Variants in MYO1D observed in about 807,000 individuals in gnomAD.
MYO1D encodes the protein myosin ID.
Under a neutral mutation model 122.0 loss-of-function variants are expected in MYO1D, and 83 were observed. The observed-to-expected ratio is 0.68, with a 90% CI of 0.57 to 0.82. The LOEUF (loss-of-function observed/expected upper bound fraction) is 0.82, where lower values mean the gene tolerates loss of function less well. Ranked by LOEUF, MYO1D falls within the 40% of genes least tolerant of loss-of-function variation. The pLI, the probability that MYO1D is intolerant of heterozygous loss-of-function variation, is 0.00. For missense variants in MYO1D, 1,157 were observed against 1,269.5 expected (o/e 0.91, Z 1.35); for synonymous variants, 464 against 446.9 (o/e 1.04, Z -0.48).
chr17:32,654,027 A>G, intron 18 of MYO1D, 80 bp from the exon 19 acceptor site: 1 of 1,074,936 alleles, frequency 9.3e-7, no homozygotes, highest in East Asian at 2.5e-5. Flanking sequence ...GTACTGCTTT[A>G]TAACTACACT....
intron 16 of MYO1D, among the ~76,000 whole-genome samples, chr17:32,702,671 T>A (rs978530619): frequency 6.6e-6 from 1 of 152,238 alleles, no homozygotes; most frequent in Non-Finnish European, 1.5e-5. Flanking sequence ...ATCTACCAGA[T>A]AGGCAAAAAT....
intron 1 of MYO1D, among the ~76,000 whole-genome samples, chr17:32,873,597 T>A (rs962910258): frequency 2.0e-5 from 3 of 152,210 alleles, no homozygotes; most frequent in African/African-American, 2.4e-5. Context: ...CTGGTCACCT[T>A]CTGCAAAGTG....
intron 21 of MYO1D, chr17:32,594,083 G>A (rs2087465729): frequency 6.6e-6 from 1 of 152,432 alleles, no homozygotes; most frequent in African/African-American, 2.4e-5. Flanking sequence ...CAGCTTTTAA[G>A]CTGGAGAATT....
intron 21 of MYO1D, among the ~76,000 whole-genome samples, chr17:32,528,280 C>A (rs1355110208): frequency 6.6e-6 from 1 of 152,130 alleles, no homozygotes; most frequent in Admixed American, 6.5e-5. Flanking sequence ...CCTCCTCTGC[C>A]CTTTGGAGAG....
At chr17:32,769,819 C>A (rs1487447730) in intron 6 of MYO1D, among the ~76,000 whole-genome samples, 9 of 150,902 alleles carry the variant, frequency 6.0e-5, no homozygotes, top group Admixed American at 5.9e-4. Flanking sequence ...GGAAAGCAGA[C>A]ATGGAAATTT....
intron 21 of MYO1D, among the ~76,000 whole-genome samples, chr17:32,552,357 A>G (rs963694928): frequency 6.7e-6 from 1 of 148,982 alleles, no homozygotes; most frequent in African/African-American, 2.5e-5. Context: ...TATTACAGGC[A>G]TGAGCCACAG....
At chr17:32,528,359 G>A (rs1456146608) in intron 21 of MYO1D, among the ~76,000 whole-genome samples, 1 of 152,116 alleles carries the variant, frequency 6.6e-6, no homozygotes, top group Non-Finnish European at 1.5e-5. Context: ...GGAAGTGCAT[G>A]GCAGAGCTGG....
intron 1 of MYO1D, among the ~76,000 whole-genome samples, chr17:32,792,742 A>G (rs531305061): frequency 6.6e-6 from 1 of 152,248 alleles, no homozygotes; most frequent in East Asian, 1.9e-4. Context: ...TCCTGGGCTC[A>G]AGTGGTTCTT....
intron 16 of MYO1D, among the ~76,000 whole-genome samples, 174 bp downstream of exon 16, chr17:32,711,814 G>A (rs2089380236): frequency 6.6e-6 from 1 of 152,010 alleles, no homozygotes; most frequent in East Asian, 1.9e-4. Context: ...ATTTTGAACT[G>A]GGGCAACCAA....
chr17:32,836,900 T>C (rs2090830634), intron 1 of MYO1D, among the ~76,000 whole-genome samples: 1 of 152,174 alleles, frequency 6.6e-6, no homozygotes, highest in African/African-American at 2.4e-5. Context: ...CTCCTGAGTA[T>C]ATACCTAGGA....
At chr17:32,514,506 T>G (rs1909818731) in intron 21 of MYO1D, among the ~76,000 whole-genome samples, 1 of 152,222 alleles carries the variant, frequency 6.6e-6, no homozygotes, top group African/African-American at 2.4e-5. Flanking sequence ...ACACTATTCT[T>G]AGAAGCAATA....
rs561261471 is a variant in MYO1D at position 32,562,752 on chromosome 17, G to A, written c.2864+42335C>T. On this transcript the variant is annotated intron_variant, in intron 21 of 21. Transcript: ENST00000318217. The stretch of plus-strand genomic sequence containing the variant: ...CAAAGTGCTGGGATTATAGGCGTGC[G>A]CCACCATGCCCGGACAGGATATTTC... Among the ~76,000 whole-genome samples the A allele has an allele frequency of 1.6e-4, 25 of 152,292 alleles. No homozygotes were observed. The East Asian group carries it at 4.2e-3, about 26-fold the overall frequency.
intron 1 of MYO1D, among the ~76,000 whole-genome samples, chr17:32,782,697 A>C (rs544997868): frequency 6.6e-6 from 1 of 152,334 alleles, no homozygotes; most frequent in African/African-American, 2.4e-5. Flanking sequence ...GCACTCTGGG[A>C]GGCCAAGGCA....
intron 1 of MYO1D, among the ~76,000 whole-genome samples, chr17:32,837,498 C>T (rs1210541092): frequency 6.6e-6 from 1 of 151,982 alleles, no homozygotes; most frequent in Admixed American, 6.6e-5. Flanking sequence ...TTTCTTTTTG[C>T]ATCCCTAGGT....
chr17:32,762,553 C>T (rs190915409), intron 8 of MYO1D, among the ~76,000 whole-genome samples: 47 of 152,216 alleles, frequency 3.1e-4, no homozygotes, highest in Non-Finnish European at 5.7e-4. Context: ...TAACATTCTC[C>T]ATACTAAGGC....
chr17:32,723,122 C>T (rs1459850182), intron 14 of MYO1D, among the ~76,000 whole-genome samples: 4 of 152,122 alleles, frequency 2.6e-5, no homozygotes, highest in Non-Finnish European at 5.9e-5. Flanking sequence ...GGGTGGTGCA[C>T]CCTGATTCCA....
intron 1 of MYO1D, among the ~76,000 whole-genome samples, chr17:32,857,739 C>T (rs944726569): frequency 6.6e-5 from 10 of 152,204 alleles, no homozygotes; most frequent in Non-Finnish European, 1.3e-4. Context: ...ATTCACATTC[C>T]AGCATTCAGC....
Position 32,627,466 on chromosome 17 carries a change from TC to T in MYO1D, c.2709+11255del, listed in dbSNP as rs1163014188. Among the ~76,000 whole-genome samples, 20 of 152,142 alleles carry T rather than the reference TC, an allele frequency of 1.3e-4. No individual in the cohort carries two copies. In the South Asian group the frequency reaches 2.3e-3, roughly 17 times the overall value. On this transcript the variant is annotated intron_variant, in intron 20 of 21. Coordinates refer to ENST00000318217, the MANE Select transcript of MYO1D (RefSeq NM_015194.3). Reference sequence around the variant, plus strand: ...CACCCTGTACGCATTACAAGGACAATCCATCTTCCAAACGAAATGATATCTT... The same window carrying T: ...CACCCTGTACGCATTACAAGGACAATCATCTTCCAAACGAAATGATATCTT...
chr17:32,837,809 T>C (rs1324891710), intron 1 of MYO1D, among the ~76,000 whole-genome samples: 1 of 152,170 alleles, frequency 6.6e-6, no homozygotes, highest in South Asian at 2.1e-4. Context: ...TATTTCATTG[T>C]TTTAATGTTT....
Sources: allele counts gnomAD v4.1 joint callset (sites outside exome capture counted in the v4.1 genomes callset), GRCh38; gene constraint gnomAD v4.1.1; transcripts MANE v1.5; gene names NCBI Gene and HGNC (gene_info 2026-07-23, HGNC 2026-07-21).